Variants in PACRG observed in about 807,000 individuals in gnomAD.
PACRG encodes parkin coregulated.
PACRG carries 29 observed loss-of-function variants against 29.7 expected under a neutral mutation model. The ratio of observed to expected loss-of-function variants is 0.98; its 90% CI spans 0.73 to 1.33. The LOEUF (loss-of-function observed/expected upper bound fraction) is 1.33, where lower values mean the gene tolerates loss of function less well. PACRG is among the 40% of genes most tolerant of loss of function. PACRG has a pLI of 0.00. For synonymous variants in PACRG, 116 were observed against 118.7 expected (o/e 0.98, Z 0.15); for missense variants, 279 against 316.2 (o/e 0.88, Z 0.89).
At chr6:163,095,610 G>C (rs1814505883) in intron 4 of PACRG, 1 of 216,796 alleles carries the variant, frequency 4.6e-6, no homozygotes, top group South Asian at 1.7e-4. Context: ...AGCTTCCGGA[G>C]GTGCCAGCCG....
Position 162,728,001 on chromosome 6 carries a change from G to T in PACRG, c.-235G>T. 1.6e-6 allele frequency: 1 copy of T among 629,698 alleles called. No homozygotes were observed. The highest frequency in any genetic ancestry group is 4.4e-4 in the Middle Eastern group (1 of 2,262). The allele number at this position is 629,698 out of a possible 1,614,324, so 39.0% of individuals were successfully genotyped here. On this transcript the variant is annotated 5_prime_UTR_variant, in exon 1 of 5. Transcript: ENST00000366888. ...TTAGCAACCGGGAGGCTTACCTTTG[G>T]AAGCTTGTTGCAGCTCTAGCCAAGG...
At chr6:162,795,019 G>T (rs1341040664) in intron 1 of PACRG, among the ~76,000 whole-genome samples, 1 of 152,004 alleles carries the variant, frequency 6.6e-6, no homozygotes, top group Non-Finnish European at 1.5e-5. Flanking sequence ...TATTTTAAAT[G>T]GGGTGGTTGT....
At chr6:163,273,730 A>G (rs751172247) in intron 4 of PACRG, among the ~76,000 whole-genome samples, 8 of 151,962 alleles carry the variant, frequency 5.3e-5, no homozygotes, top group Admixed American at 6.6e-5. Context: ...TAAATTAGAT[A>G]TTGGCTCATA....
intron 2 of PACRG, among the ~76,000 whole-genome samples, chr6:162,893,971 G>T (rs1213613046): frequency 6.6e-6 from 1 of 152,202 alleles, no homozygotes; most frequent in African/African-American, 2.4e-5. Flanking sequence ...ACCTTGGGAC[G>T]TAAAGAAATG....
intron 2 of PACRG, among the ~76,000 whole-genome samples, chr6:162,871,257 T>C (rs1243059033): frequency 6.6e-6 from 1 of 152,224 alleles, no homozygotes; most frequent in Non-Finnish European, 1.5e-5. Flanking sequence ...GTGATGTTTA[T>C]ATAAGGCACA....
intron 4 of PACRG, among the ~76,000 whole-genome samples, chr6:163,227,407 C>G (rs189846813): frequency 6.6e-6 from 1 of 152,230 alleles, no homozygotes; most frequent in Non-Finnish European, 1.5e-5. Flanking sequence ...CAGGCCTCGC[C>G]TCCAACACTG....
At chr6:162,915,935 T>G (rs895674977) in intron 2 of PACRG, among the ~76,000 whole-genome samples, 15 of 152,270 alleles carry the variant, frequency 9.9e-5, no homozygotes, top group African/African-American at 3.4e-4. Context: ...TTTAAAGAAC[T>G]TAAGAGGAAA....
At chr6:162,845,146 A>G (rs1289344753) in intron 2 of PACRG, among the ~76,000 whole-genome samples, 5 of 152,220 alleles carry the variant, frequency 3.3e-5, no homozygotes, top group Admixed American at 3.3e-4. Flanking sequence ...AGTTAATTAA[A>G]TAATAATAAA....
At chr6:163,179,589 C>T (rs112034761) in intron 4 of PACRG, among the ~76,000 whole-genome samples, 1 of 151,844 alleles carries the variant, frequency 6.6e-6, no homozygotes, top group Non-Finnish European at 1.5e-5. Context: ...GCCTGTAGTC[C>T]CTGCTACTCG....
At chr6:163,271,168 A>T (rs1783812158) in intron 4 of PACRG, among the ~76,000 whole-genome samples, 1 of 152,158 alleles carries the variant, frequency 6.6e-6, no homozygotes, top group East Asian at 1.9e-4. Context: ...GAGAAAGATG[A>T]AGGCCAGAAG....
intron 2 of PACRG, among the ~76,000 whole-genome samples, chr6:162,857,806 A>G (rs1408820097): frequency 6.6e-6 from 1 of 151,264 alleles, no homozygotes; most frequent in Admixed American, 6.6e-5. Flanking sequence ...TTAATAAACT[A>G]GATCTAAGAT....
intron 4 of PACRG, among the ~76,000 whole-genome samples, chr6:163,186,198 TC>T (rs1375170679): frequency 6.6e-6 from 1 of 151,976 alleles, no homozygotes; most frequent in Non-Finnish European, 1.5e-5. Context: ...CTTTCAGATT[TC>T]CCCCTTCCCC....
chr6:163,198,768 G>A (rs560711183), intron 4 of PACRG, among the ~76,000 whole-genome samples: 14 of 152,288 alleles, frequency 9.2e-5, no homozygotes, highest in Admixed American at 4.6e-4. Context: ...TTGAGGACAC[G>A]CCCATGACAC....
Position 162,905,903 on chromosome 6 carries a change from C to T in PACRG, c.291+91622C>T, listed in dbSNP as rs10945863. On this transcript the variant is annotated intron_variant, in intron 2 of 4. Coordinates refer to ENST00000366888, the MANE Select transcript of PACRG (RefSeq NM_001080379.2). ...CAGCAGGCATGAACCAGAACTGTCC[C>T]CAGCAAACTAGAACCCGTGGTCTCC... 1.8e-3 allele frequency among the ~76,000 whole-genome samples: 267 copies of T among 152,222 alleles called. 1 individual carries two copies. The highest frequency in any genetic ancestry group is 6.2e-3 in the African/African-American group (259 of 41,532).
At chr6:162,874,070 T>C (rs954061169) in intron 2 of PACRG, among the ~76,000 whole-genome samples, 4 of 151,256 alleles carry the variant, frequency 2.6e-5, no homozygotes, top group African/African-American at 9.7e-5. Flanking sequence ...AAACTCAATA[T>C]TGGAATGAAT....
chr6:162,829,479 G>C (rs1040747199), intron 2 of PACRG, among the ~76,000 whole-genome samples: 1 of 152,184 alleles, frequency 6.6e-6, no homozygotes, highest in South Asian at 2.1e-4. Flanking sequence ...ATTTCAGAAG[G>C]TTGCAATTTA....
In PACRG at chr6:162,982,862, ACTGT is replaced by A. The variant is rs1197958234; in HGVS notation, c.292-79281_292-79278del. Among the ~76,000 whole-genome samples, 5 of 151,888 alleles carry A rather than the reference ACTGT, an allele frequency of 3.3e-5. No homozygotes were observed. The South Asian group carries it at 6.3e-4, about 19-fold the overall frequency. On this transcript the variant is annotated intron_variant, in intron 2 of 4. Transcript: ENST00000366888. ...GTTTAAGTCCATTGTTTCTTTGTTG[ACTGT>A]CTGTCTTGGTGACATGTCTAGTGCA...
chr6:162,997,802 CTA>C (rs1207532329), intron 2 of PACRG, among the ~76,000 whole-genome samples: 1 of 152,206 alleles, frequency 6.6e-6, no homozygotes, highest in Non-Finnish European at 1.5e-5. Flanking sequence ...TAACTTGACA[CTA>C]TATGTCTTCT....
chr6:163,200,775 T>C (rs1780662937), intron 4 of PACRG, among the ~76,000 whole-genome samples: 1 of 152,228 alleles, frequency 6.6e-6, no homozygotes, highest in Non-Finnish European at 1.5e-5. Context: ...GGGTGACCAA[T>C]TGCCCCAGTT....
Sources: allele counts gnomAD v4.1 joint callset (sites outside exome capture counted in the v4.1 genomes callset), GRCh38; gene constraint gnomAD v4.1.1; transcripts MANE v1.5; gene names NCBI Gene and HGNC (gene_info 2026-07-23, HGNC 2026-07-21).